Variants in CAMTA1 observed in about 807,000 individuals in gnomAD.
CAMTA1 encodes calmodulin-binding transcription activator 1.
Under a neutral mutation model 170.9 loss-of-function variants are expected in CAMTA1, and 27 were observed. That is an observed-to-expected ratio of 0.16 (90% CI 0.12 to 0.22). CAMTA1 has a LOEUF of 0.22. Among genes scored for constraint, CAMTA1 ranks in the 10% least tolerant of loss-of-function variants. The probability of loss-of-function intolerance (pLI) is 1.00; values close to 1 mark genes in which losing one functional copy is unlikely to be tolerated. For synonymous variants in CAMTA1, 833 were observed against 891.5 expected (o/e 0.93, Z 1.17); for missense variants, 1,619 against 2,217.2 (o/e 0.73, Z 5.42).
At chr1:7,687,337 G>C (rs568057960) in intron 11 of CAMTA1, among the ~76,000 whole-genome samples, 8 of 152,002 alleles carry the variant, frequency 5.3e-5, no homozygotes, top group Non-Finnish European at 1.0e-4. Context: ...ACGTGGTCAG[G>C]CAGGTCAGAT....
intron 3 of CAMTA1, among the ~76,000 whole-genome samples, chr1:7,077,916 T>G (rs1558063782): frequency 6.6e-6 from 1 of 152,160 alleles, no homozygotes; most frequent in African/African-American, 2.4e-5. Context: ...TTGGTTAATG[T>G]TCTAAAGCAG....
At chr1:7,761,656 A>T (rs1312615829) in intron 22 of CAMTA1, among the ~76,000 whole-genome samples, 1 of 152,120 alleles carries the variant, frequency 6.6e-6, no homozygotes, top group Non-Finnish European at 1.5e-5. Flanking sequence ...TCTTGTCTAT[A>T]TTTACCAAGT....
At chr1:7,245,977 C>G (rs1347585599) in intron 4 of CAMTA1, among the ~76,000 whole-genome samples, 1 of 152,328 alleles carries the variant, frequency 6.6e-6, no homozygotes, top group African/African-American at 2.4e-5. Flanking sequence ...AGAGCGACCC[C>G]CTCCACCGGG....
In CAMTA1 at chr1:7,234,559, A is replaced by G. The variant is rs1222611242; in HGVS notation, c.303-14932A>G. ...CAGCCGTGATAGCTGCTCAGTAAAT[A>G]TTAACTGAACAAATCAGTGAACGTC... On this transcript the variant is annotated intron_variant, in intron 4 of 22. Transcript: ENST00000303635. This position sits in a 1 kb window ranked among gnomAD's most constrained non-coding sequence, Gnocchi z 5.0. Among the ~76,000 whole-genome samples the G allele has an allele frequency of 1.3e-5, 2 of 152,180 alleles. No homozygotes were observed. The highest frequency in any genetic ancestry group is 4.8e-5 in the African/African-American group (2 of 41,434).
chr1:7,558,298 T>A (rs1477833072), intron 6 of CAMTA1, among the ~76,000 whole-genome samples: 1 of 152,164 alleles, frequency 6.6e-6, no homozygotes, highest in African/African-American at 2.4e-5. Context: ...ACCAACATGC[T>A]GCGGCGTCCC....
chr1:7,489,110 T>C (rs1048017300), intron 6 of CAMTA1, among the ~76,000 whole-genome samples: 1 of 152,210 alleles, frequency 6.6e-6, no homozygotes, highest in Non-Finnish European at 1.5e-5. Context: ...CTCCGTGGCC[T>C]CACATGCAAG....
intron 3 of CAMTA1, among the ~76,000 whole-genome samples, chr1:6,833,744 C>T (rs993097733): frequency 4.6e-5 from 7 of 152,162 alleles, no homozygotes; most frequent in Non-Finnish European, 8.8e-5. Flanking sequence ...CTAGGGGAAA[C>T]GTAACCACAA....
At chr1:7,001,400 G>A (rs556943510) in intron 3 of CAMTA1, among the ~76,000 whole-genome samples, 3 of 152,330 alleles carry the variant, frequency 2.0e-5, no homozygotes, top group East Asian at 1.9e-4. Flanking sequence ...GAGCTGAGGA[G>A]CTCACCACTT....
At chr1:7,509,831 C>A (rs1046352995) in intron 6 of CAMTA1, among the ~76,000 whole-genome samples, 1 of 151,968 alleles carries the variant, frequency 6.6e-6, no homozygotes, top group Non-Finnish European at 1.5e-5. Flanking sequence ...CATGGGGCCT[C>A]CCCTTGCCAG....
chr1:7,175,563 A>G (rs1650620698), intron 4 of CAMTA1, among the ~76,000 whole-genome samples: 1 of 152,268 alleles, frequency 6.6e-6, no homozygotes. Flanking sequence ...CAGCCTTTCC[A>G]AATAGTGCAG....
intron 4 of CAMTA1, among the ~76,000 whole-genome samples, chr1:7,131,522 C>CTTTT (rs58819912): frequency 7.9e-6 from 1 of 126,696 alleles, no homozygotes; most frequent in Non-Finnish European, 1.7e-5. Context: ...ATCGTCTTTT[C>CTTTT]TTTTTTTTTT....
chr1:6,804,244 C>G (rs1172133704), intron 1 of CAMTA1, among the ~76,000 whole-genome samples: 1 of 150,032 alleles, frequency 6.7e-6, no homozygotes, highest in Admixed American at 6.6e-5. Flanking sequence ...TCTTAAACTC[C>G]TGGCCTCAAG....
At chr1:6,988,463 T>C (rs886888582) in intron 3 of CAMTA1, among the ~76,000 whole-genome samples, 1 of 152,164 alleles carries the variant, frequency 6.6e-6, no homozygotes, top group African/African-American at 2.4e-5. Context: ...TTGTACAAAG[T>C]GATACTTCTT....
intron 4 of CAMTA1, among the ~76,000 whole-genome samples, chr1:7,128,672 T>C (rs2148514826): frequency 6.6e-6 from 1 of 152,106 alleles, no homozygotes. Flanking sequence ...TTTTTTTTTT[T>C]TTAAGATGAA....
intron 3 of CAMTA1, among the ~76,000 whole-genome samples, chr1:6,868,527 C>T (rs909577298): frequency 2.6e-5 from 4 of 151,994 alleles, no homozygotes; most frequent in East Asian, 1.9e-4. Flanking sequence ...GTGAAAATGG[C>T]GGCATTTCTG....
At chr1:6,952,148 A>G (rs2149479684) in intron 3 of CAMTA1, among the ~76,000 whole-genome samples, 1 of 152,292 alleles carries the variant, frequency 6.6e-6, no homozygotes, top group Admixed American at 6.5e-5. Flanking sequence ...GGGATAACAT[A>G]GGCCGGGCAC....
chr1:7,052,100 C>T (rs1312050775), intron 3 of CAMTA1, among the ~76,000 whole-genome samples: 1 of 152,064 alleles, frequency 6.6e-6, no homozygotes. Context: ...TATCCTTGGT[C>T]CCCAGGGCCA....
chr1:7,019,409 G>T (rs917854895), intron 3 of CAMTA1, among the ~76,000 whole-genome samples: 30 of 152,236 alleles, frequency 2.0e-4, no homozygotes, highest in Admixed American at 2.0e-3. Flanking sequence ...GGCTGTGTGT[G>T]TAAATTCAGC....
chr1:7,753,462 C>G (rs1488553137), intron 21 of CAMTA1, among the ~76,000 whole-genome samples: 1 of 152,200 alleles, frequency 6.6e-6, no homozygotes, highest in African/African-American at 2.4e-5. Flanking sequence ...TAATGTCTTA[C>G]TTCCTCTTCC....
Sources: gnomAD v4.1 joint callset for allele counts (sites outside exome capture counted in the v4.1 genomes callset) on GRCh38, gnomAD v4.1.1 for gene constraint, Gnocchi (gnomAD v3.1) non-coding constraint, MANE v1.5 for transcripts, NCBI Gene and HGNC (gene_info 2026-07-23, HGNC 2026-07-21) for gene names.